Variants in GALNT17 observed in about 807,000 individuals in gnomAD.
GALNT17 encodes the protein polypeptide N-acetylgalactosaminyltransferase 17.
GALNT17 carries 29 observed loss-of-function variants against 63.7 expected under a neutral mutation model. The ratio of observed to expected loss-of-function variants is 0.46; its 90% CI spans 0.34 to 0.62. The LOEUF (loss-of-function observed/expected upper bound fraction) is 0.62, where lower values mean the gene tolerates loss of function less well. GALNT17 is among the 20% of genes least tolerant of loss of function. The probability of loss-of-function intolerance (pLI) is 0.01; values close to 1 mark genes in which losing one functional copy is unlikely to be tolerated. For synonymous variants in GALNT17, 305 were observed against 318.3 expected, an observed-to-expected ratio of 0.96 and a Z score of 0.45; for missense variants, 603 against 799.6, an observed-to-expected ratio of 0.75 and a Z score of 2.97.
chr7:71,569,587 A>G (rs1200358553), intron 5 of GALNT17, among the ~76,000 whole-genome samples: 2 of 152,140 alleles, frequency 1.3e-5, no homozygotes, highest in Admixed American at 1.3e-4. Flanking sequence ...GATGCATTGC[A>G]TTTTCAAAGG....
intron 1 of GALNT17, among the ~76,000 whole-genome samples, chr7:71,203,040 A>G (rs1789204187): frequency 6.6e-6 from 1 of 152,146 alleles, no homozygotes; most frequent in African/African-American, 2.4e-5. Flanking sequence ...TTCTTTATCC[A>G]TCATCCATTG....
intron 5 of GALNT17, among the ~76,000 whole-genome samples, chr7:71,446,549 A>G (rs1361969175): frequency 6.6e-6 from 1 of 152,128 alleles, no homozygotes; most frequent in Admixed American, 6.5e-5. Flanking sequence ...CACTTTATTT[A>G]TTTACTTATT....
chr7:71,445,742 C>A (rs1347811262), intron 5 of GALNT17, among the ~76,000 whole-genome samples: 1 of 152,212 alleles, frequency 6.6e-6, no homozygotes, highest in Non-Finnish European at 1.5e-5. Flanking sequence ...TCTCTTACCT[C>A]TCCCAGCTCC....
At position 71,224,844 on chromosome 7, in the gene GALNT17, A is replaced by G. The variant is rs1789651997; in HGVS notation, c.238+91804A>G. Among the ~76,000 whole-genome samples the G allele has an allele frequency of 4.6e-5, 7 of 152,274 alleles. No individual in the cohort carries two copies. The South Asian group carries it at 1.5e-3, about 32-fold the overall frequency. On this transcript the variant is annotated intron_variant, in intron 1 of 10. Transcript: ENST00000333538. Reference sequence around the variant, plus strand: ...AATCAGCACCTTGGGGTTTTGTTTGAGTTTCTGTTGTAGGAAGCCTCACCT... The same window carrying G: ...AATCAGCACCTTGGGGTTTTGTTTGGGTTTCTGTTGTAGGAAGCCTCACCT...
chr7:71,525,705 C>T, intron 5 of GALNT17, among the ~76,000 whole-genome samples: 2 of 138,746 alleles, frequency 1.4e-5, no homozygotes, highest in Admixed American at 7.2e-5. Flanking sequence ...TAATAAATTA[C>T]TGAAATTACT....
At chr7:71,473,229 T>A (rs1480633216) in intron 5 of GALNT17, among the ~76,000 whole-genome samples, 8 of 152,132 alleles carry the variant, frequency 5.3e-5, no homozygotes, top group African/African-American at 1.9e-4. Context: ...CCAAAGTTCT[T>A]GTTATGTAGA....
intron 1 of GALNT17, among the ~76,000 whole-genome samples, chr7:71,303,494 T>G (rs3923571): frequency 0.19 from 28,966 of 152,112 alleles, 2,885 homozygotes; most frequent in East Asian, 0.33. Context: ...GTGGGGTCTG[T>G]GTAAATGGAT....
chr7:71,169,598 C>T (rs1360360132), intron 1 of GALNT17, among the ~76,000 whole-genome samples: 1 of 152,160 alleles, frequency 6.6e-6, no homozygotes, highest in Non-Finnish European at 1.5e-5. Flanking sequence ...CACTGTTGCT[C>T]AGGCTAGAGT....
At chr7:71,465,209 A>G (rs755555780) in intron 5 of GALNT17, among the ~76,000 whole-genome samples, 3 of 152,190 alleles carry the variant, frequency 2.0e-5, no homozygotes, top group Non-Finnish European at 4.4e-5. Context: ...TAACATGCTT[A>G]CTTGTGGGTA....
At chr7:71,256,764 A>G (rs944396408) in intron 1 of GALNT17, among the ~76,000 whole-genome samples, 6 of 152,146 alleles carry the variant, frequency 3.9e-5, no homozygotes, top group African/African-American at 1.2e-4. Context: ...TTGGCACCCA[A>G]TATGGGGCCG....
At chr7:71,636,234 C>A (rs779474669) in intron 6 of GALNT17, among the ~76,000 whole-genome samples, 1 of 152,212 alleles carries the variant, frequency 6.6e-6, no homozygotes, top group Non-Finnish European at 1.5e-5. Flanking sequence ...GTTCACTATA[C>A]TCTGTGCTTT....
chr7:71,162,360 C>T (rs1788364514), intron 1 of GALNT17, among the ~76,000 whole-genome samples: 7 of 147,108 alleles, frequency 4.8e-5, no homozygotes, highest in Admixed American at 4.7e-4. Context: ...GAATCTTTCC[C>T]CTGAATGCTA....
chr7:71,252,480 G>A (rs1349341891), intron 1 of GALNT17, among the ~76,000 whole-genome samples: 1 of 152,158 alleles, frequency 6.6e-6, no homozygotes, highest in Non-Finnish European at 1.5e-5. Flanking sequence ...AGCCAAGATT[G>A]TACCACTGCA....
chr7:71,232,098 G>A (rs1038408872), intron 1 of GALNT17, among the ~76,000 whole-genome samples: 3 of 152,138 alleles, frequency 2.0e-5, no homozygotes, highest in African/African-American at 4.8e-5. Context: ...ATAGACCAGC[G>A]AACATGGGGA....
chr7:71,600,495 G>C (rs146384707), intron 6 of GALNT17, among the ~76,000 whole-genome samples: 2 of 152,038 alleles, frequency 1.3e-5, no homozygotes, highest in African/African-American at 4.8e-5. Flanking sequence ...GCCCGGTACC[G>C]TGCCCAGTGG....
At chr7:71,681,273 G>C (rs1451114591) in intron 9 of GALNT17, among the ~76,000 whole-genome samples, 1 of 152,216 alleles carries the variant, frequency 6.6e-6, no homozygotes, top group African/African-American at 2.4e-5. Flanking sequence ...ACTTGATCCA[G>C]AGGATGTCAG....
At chr7:71,314,317 T>C (rs1271563121) in intron 1 of GALNT17, among the ~76,000 whole-genome samples, 1 of 152,084 alleles carries the variant, frequency 6.6e-6, no homozygotes, top group Non-Finnish European at 1.5e-5. Context: ...TAGGCAATAG[T>C]CATTGGATTA....
intron 5 of GALNT17, among the ~76,000 whole-genome samples, chr7:71,488,817 A>G (rs1195351269): frequency 6.8e-6 from 1 of 147,726 alleles, no homozygotes; most frequent in Non-Finnish European, 1.5e-5. Flanking sequence ...CCTGGCCTCA[A>G]GTGATCCACC....
intron 2 of GALNT17, among the ~76,000 whole-genome samples, chr7:71,366,934 T>C (rs1792522994): frequency 6.6e-6 from 1 of 152,222 alleles, no homozygotes; most frequent in African/African-American, 2.4e-5. Context: ...TCTTCATGTA[T>C]TTATTGAATA....
Sources: gnomAD v4.1 joint callset for allele counts (sites outside exome capture counted in the v4.1 genomes callset) on GRCh38, gnomAD v4.1.1 for gene constraint, MANE v1.5 for transcripts, NCBI Gene and HGNC (gene_info 2026-07-23, HGNC 2026-07-21) for gene names.